The following CDH10 variants were observed in gnomAD, a reference collection of about 807,000 sequenced individuals.
CDH10 encodes cadherin-10.
Under a neutral mutation model 73.1 loss-of-function variants are expected in CDH10, and 30 were observed. The ratio of observed to expected loss-of-function variants is 0.41; its 90% CI spans 0.31 to 0.56. CDH10 has a LOEUF of 0.56. Ranked by LOEUF, CDH10 falls within the 20% of genes least tolerant of loss-of-function variation. CDH10 has a pLI of 0.27. For missense variants in CDH10, 815 were observed against 973.7 expected (o/e 0.84, Z 2.17); for synonymous variants, 345 against 348.2 (o/e 0.99, Z 0.10).
At position 24,584,479 on chromosome 5, in the gene CDH10, A is replaced by T. The variant is rs62349621; in HGVS notation, c.231+8781T>A. Among the ~76,000 whole-genome samples the T allele has an allele frequency of 1.9e-3, 192 of 99,818 alleles. 1 individual carries two copies. Among genetic ancestry groups the T allele is most frequent in the African/African-American group, 2.8e-3 (73 of 25,900 alleles). The allele number at this position is 99,818 out of a possible 152,430, so 65.5% of individuals were successfully genotyped here. Reference sequence around the variant, plus strand: ...TTTTTTTTTTTTGTGTGTGTGTGAGAGAGAGAGAGAGAGAGAGAGTCTTGC... The same window carrying T: ...TTTTTTTTTTTTGTGTGTGTGTGAGTGAGAGAGAGAGAGAGAGAGTCTTGC... On this transcript the variant is annotated intron_variant, in intron 2 of 11. Transcript: ENST00000264463.
intron 10 of CDH10, among the ~76,000 whole-genome samples, chr5:24,492,430 C>T (rs1579711414): frequency 1.3e-5 from 2 of 152,172 alleles, no homozygotes; most frequent in South Asian, 2.1e-4. Flanking sequence ...CTTTTCATTT[C>T]CTTATGTATA....
intron 2 of CDH10, among the ~76,000 whole-genome samples, chr5:24,572,935 G>GAAAAAAAAAAAAAA (rs55946839): frequency 1.9e-4 from 14 of 72,040 alleles, no homozygotes; most frequent in Non-Finnish European, 2.3e-4. Flanking sequence ...CTTAGAAAAA[G>GAAAAAAAAAAAAAA]AAAAAAAAAA....
chr5:24,563,449 CTT>C (rs1745034231), intron 2 of CDH10, among the ~76,000 whole-genome samples: 1 of 34,132 alleles, frequency 2.9e-5, no homozygotes, highest in Non-Finnish European at 5.9e-5. Flanking sequence ...TTTATAGAAG[CTT>C]AAAAAAAAAA....
At chr5:24,599,086 G>T (rs1382618072) in intron 1 of CDH10, among the ~76,000 whole-genome samples, 1 of 152,118 alleles carries the variant, frequency 6.6e-6, no homozygotes, top group Non-Finnish European at 1.5e-5. Flanking sequence ...AGCAGCAAAT[G>T]TGACAGTCCC....
At chr5:24,551,800 A>G (rs1424373914) in intron 2 of CDH10, among the ~76,000 whole-genome samples, 1 of 152,108 alleles carries the variant, frequency 6.6e-6, no homozygotes, top group East Asian at 1.9e-4. Context: ...CCATTTATCT[A>G]TTGGCACCAG....
At chr5:24,527,561 A>G (rs1743579384) in intron 5 of CDH10, among the ~76,000 whole-genome samples, 1 of 151,870 alleles carries the variant, frequency 6.6e-6, no homozygotes, top group South Asian at 2.1e-4. Flanking sequence ...CTACACAACT[A>G]GGCTATATGG....
Position 24,644,834 on chromosome 5 carries a change from G to GGA in CDH10, c.-365_-364insTC, listed in dbSNP as rs1554028851. On this transcript the variant is annotated 5_prime_UTR_variant, in exon 1 of 12. An upstream open reading frame in the 5' UTR loses its in-frame stop. Transcript: ENST00000264463. ...TCAGTGCTTCTGATTAAGGGGAAAG[G>GGA]AAAAAAAAAAAAAAGGAAAGGGGGG... 1.4e-5 allele frequency: 2 copies of GGA among 139,250 alleles called. No individual in the cohort carries two copies. Among genetic ancestry groups the GGA allele is most frequent in the Non-Finnish European group, 3.1e-5 (2 of 65,398 alleles). 8.6% of individuals were successfully genotyped at this position (139,250 alleles called of 1,614,324 possible).
chr5:24,503,218 G>T lies in CDH10; in HGVS notation c.1393+1894C>A, dbSNP rs1033407704. ...AGTGGTTACTTCAAATAAATAACTTGACCTTGATACGTGTTTGTGGATTCA... is the reference window on the plus strand; with the variant it reads ...AGTGGTTACTTCAAATAAATAACTTTACCTTGATACGTGTTTGTGGATTCA... On this transcript the variant is annotated intron_variant, in intron 8 of 11. Coordinates refer to ENST00000264463, the MANE Select transcript of CDH10 (RefSeq NM_006727.5). Among the ~76,000 whole-genome samples the T allele has an allele frequency of 5.3e-5, 8 of 152,114 alleles. No individual in the cohort carries two copies. In the East Asian group the frequency reaches 9.7e-4, roughly 18 times the overall value.
intron 1 of CDH10, among the ~76,000 whole-genome samples, chr5:24,618,149 T>A (rs970540126): frequency 6.6e-6 from 1 of 152,166 alleles, no homozygotes; most frequent in African/African-American, 2.4e-5. Flanking sequence ...TGTTCAGAAA[T>A]CCACTCAAAG....
At chr5:24,551,279 T>A (rs1053000169) in intron 2 of CDH10, among the ~76,000 whole-genome samples, 3 of 152,194 alleles carry the variant, frequency 2.0e-5, no homozygotes, top group African/African-American at 7.2e-5. Flanking sequence ...CTCTTCAGTA[T>A]GTTTATATTT....
intron 3 of CDH10, among the ~76,000 whole-genome samples, chr5:24,536,824 G>A (rs888124957): frequency 3.3e-5 from 5 of 151,280 alleles, no homozygotes; most frequent in Non-Finnish European, 5.9e-5. Flanking sequence ...GGTTTTTTTC[G>A]AAAATAAGAT....
chr5:24,574,509 A>T (rs1745523158), intron 2 of CDH10, among the ~76,000 whole-genome samples: 1 of 152,070 alleles, frequency 6.6e-6, no homozygotes, highest in Admixed American at 6.6e-5. Flanking sequence ...ACACAAGTGC[A>T]GCTGTAGAAC....
intron 2 of CDH10, among the ~76,000 whole-genome samples, chr5:24,577,128 G>A (rs1424823711): frequency 2.0e-5 from 3 of 151,336 alleles, no homozygotes; most frequent in Admixed American, 1.3e-4. Context: ...AAGAATTTAA[G>A]GATACATGAT....
At chr5:24,506,492 T>G (rs2111734349) in intron 7 of CDH10, among the ~76,000 whole-genome samples, 1 of 152,312 alleles carries the variant, frequency 6.6e-6, no homozygotes, top group East Asian at 1.9e-4. Context: ...TTTGTCTCCT[T>G]CACTCATAAA....
chr5:24,607,979 C>G (rs2112135809), intron 1 of CDH10, among the ~76,000 whole-genome samples: 1 of 152,178 alleles, frequency 6.6e-6, no homozygotes, highest in East Asian at 1.9e-4. Context: ...CCATTTTGAC[C>G]TTCCTGACAA....
intron 1 of CDH10, among the ~76,000 whole-genome samples, chr5:24,594,523 C>G (rs1746306597): frequency 6.6e-6 from 1 of 151,922 alleles, no homozygotes. Flanking sequence ...AATTTCATCA[C>G]TGCTGTCCAC....
In CDH10 at chr5:24,530,518, A is replaced by G. The variant is rs58328160; in HGVS notation, c.814+4594T>C. Among the ~76,000 whole-genome samples the G allele has an allele frequency of 2.1e-3, 320 of 152,128 alleles. 2 individuals are homozygous for G. The highest frequency in any genetic ancestry group is 7.4e-3 in the African/African-American group (306 of 41,540). ...AAACAGGACTAAAAATATTCAAGTG[A>G]AAATACCAGGCAGATAGATTTAAAG... On this transcript the variant is annotated intron_variant, in intron 5 of 11. Transcript: ENST00000264463.
chr5:24,524,227 T>C (rs1318013201), intron 5 of CDH10, among the ~76,000 whole-genome samples: 1 of 152,140 alleles, frequency 6.6e-6, no homozygotes, highest in Non-Finnish European at 1.5e-5. Flanking sequence ...AATTTCTATA[T>C]TTTAAATGTA....
At chr5:24,640,772 C>A (rs570230530) in intron 1 of CDH10, among the ~76,000 whole-genome samples, 3 of 151,760 alleles carry the variant, frequency 2.0e-5, no homozygotes, top group African/African-American at 7.2e-5. Context: ...CTTTCCCTTT[C>A]TTTAGTTCCA....
Sources: allele counts gnomAD v4.1 joint callset (sites outside exome capture counted in the v4.1 genomes callset), GRCh38; gene constraint gnomAD v4.1.1; transcripts MANE v1.5; gene names NCBI Gene and HGNC (gene_info 2026-07-23, HGNC 2026-07-21).